The following DISP1 variants were observed in gnomAD, a reference collection of about 807,000 sequenced individuals.
DISP1 encodes protein dispatched homolog 1.
A neutral mutation model predicts 37.3 loss-of-function variants in DISP1; 30 were observed. That is an observed-to-expected ratio of 0.80 (90% CI 0.60 to 1.09). DISP1 has a LOEUF of 1.09. Ranked by LOEUF, DISP1 falls within the 50% of genes least tolerant of loss-of-function variation. The probability of loss-of-function intolerance (pLI) is 0.00; values close to 1 mark genes in which losing one functional copy is unlikely to be tolerated. For synonymous variants in DISP1, 634 were observed against 690.2 expected, an observed-to-expected ratio of 0.92 and a Z score of 1.28; for missense variants, 1,598 against 1,879.5, an observed-to-expected ratio of 0.85 and a Z score of 2.77.
intron 1 of DISP1, among the ~76,000 whole-genome samples, chr1:222,875,392 A>G (rs554576483): frequency 1.8e-4 from 28 of 152,232 alleles, no homozygotes; most frequent in Non-Finnish European, 3.1e-4. Context: ...TATGTGTATT[A>G]AAGACATTAA....
rs554362158 is a variant in DISP1 at position 222,894,172 on chromosome 1, C to T, written c.-158-34258C>T. ...AAAAAGCTCCCTAAGTTCTCACTCC[C>T]GGTGCAGACTTCACCTAGAACTGAC... On this transcript the variant is annotated intron_variant, in intron 1 of 8. Transcript: ENST00000675850. 2.8e-4 allele frequency among the ~76,000 whole-genome samples: 43 copies of T among 152,272 alleles called. No individual in the cohort carries two copies. The South Asian group carries it at 7.1e-3, about 25-fold the overall frequency.
intron 4 of DISP1, among the ~76,000 whole-genome samples, chr1:222,988,092 A>G (rs181366150): frequency 3.4e-4 from 52 of 152,290 alleles, no homozygotes; most frequent in Admixed American, 2.4e-3. Flanking sequence ...CAATCAGCTT[A>G]TTGTCACTTA....
At chr1:222,825,828 A>G (rs1179212718) in intron 1 of DISP1, among the ~76,000 whole-genome samples, 1 of 152,028 alleles carries the variant, frequency 6.6e-6, no homozygotes, top group Non-Finnish European at 1.5e-5. Context: ...TCTCTAATAC[A>G]TTGTTAACCC....
intron 1 of DISP1, among the ~76,000 whole-genome samples, chr1:222,826,865 A>G (rs188449844): frequency 2.0e-5 from 3 of 152,360 alleles, no homozygotes; most frequent in Admixed American, 2.0e-4. Context: ...TCAGAGTTTT[A>G]GCTCTTAACT....
chr1:222,994,875 A>G lies in DISP1; in HGVS notation c.890-10A>G. 1.3e-6 allele frequency: 2 copies of G among 1,579,234 alleles called. No homozygotes were observed. The highest frequency in any genetic ancestry group is 1.8e-4 in the Middle Eastern group (1 of 5,588). On this transcript the variant is annotated splice_polypyrimidine_tract_variant and intron_variant, in intron 7 of 8. Coordinates refer to ENST00000675850, the MANE Select transcript of DISP1 (RefSeq NM_001377229.1). The stretch of plus-strand genomic sequence containing the variant: ...ACCTTTTTCTTTCCTTTTTTTTTTC[A>G]TATCACCAGGTGACCGATATTCCAG...
intron 4 of DISP1, among the ~76,000 whole-genome samples, chr1:222,988,519 A>G (rs1314195168): frequency 6.6e-6 from 1 of 152,148 alleles, no homozygotes; most frequent in African/African-American, 2.4e-5. Flanking sequence ...AGCAACTGGT[A>G]TTCTGAATAA....
At chr1:222,944,476 T>C (rs529029132) in intron 3 of DISP1, among the ~76,000 whole-genome samples, 2 of 152,292 alleles carry the variant, frequency 1.3e-5, no homozygotes, top group African/African-American at 4.8e-5. Context: ...AAGAGCATTC[T>C]CTTTAAAATT....
At chr1:222,816,332 G>A (rs1661250371) in intron 1 of DISP1, among the ~76,000 whole-genome samples, 2 of 152,222 alleles carry the variant, frequency 1.3e-5, no homozygotes, top group South Asian at 2.1e-4. Flanking sequence ...TTCACTCAGT[G>A]TAATTACAAA....
At chr1:222,822,379 C>G (rs1458603598) in intron 1 of DISP1, among the ~76,000 whole-genome samples, 2 of 152,090 alleles carry the variant, frequency 1.3e-5, no homozygotes, top group African/African-American at 2.4e-5. Flanking sequence ...TGACAAGAAC[C>G]TCTTTATATC....
At chr1:222,943,626 T>C in intron 3 of DISP1, 2 of 462,366 alleles carry the variant, frequency 4.3e-6, no homozygotes, top group Non-Finnish European at 7.8e-6. Flanking sequence ...AGTTTTATTG[T>C]TAGCAATTTC....
At chr1:222,999,529 T>C (rs1679297280) in intron 8 of DISP1, among the ~76,000 whole-genome samples, 1 of 152,186 alleles carries the variant, frequency 6.6e-6, no homozygotes, top group Middle Eastern at 3.2e-3. Context: ...CTTTGGTACT[T>C]TCTCTGTAGG....
intron 4 of DISP1, among the ~76,000 whole-genome samples, chr1:222,987,006 A>C (rs1678325414): frequency 6.6e-6 from 1 of 151,920 alleles, no homozygotes; most frequent in Admixed American, 6.6e-5. Flanking sequence ...TCTACTCTAC[A>C]TGTGGTTCAC....
intron 1 of DISP1, among the ~76,000 whole-genome samples, chr1:222,903,676 C>G (rs1327956617): frequency 2.6e-5 from 4 of 152,072 alleles, no homozygotes; most frequent in African/African-American, 9.7e-5. Context: ...TTTGTGATCA[C>G]TGTTTAAGAA....
chr1:222,977,710 G>A (rs1377517561), intron 3 of DISP1, among the ~76,000 whole-genome samples: 2 of 150,484 alleles, frequency 1.3e-5, no homozygotes, highest in African/African-American at 4.9e-5. Flanking sequence ...AACAGGCCCC[G>A]GTGTGTGATA....
intron 3 of DISP1, among the ~76,000 whole-genome samples, chr1:222,946,099 C>T (rs758946464): frequency 2.6e-5 from 4 of 151,460 alleles, no homozygotes; most frequent in African/African-American, 4.8e-5. Context: ...CTTGGCCGGG[C>T]GTGGTGGCTC....
At chr1:222,885,123 T>G (rs1276750759) in intron 1 of DISP1, among the ~76,000 whole-genome samples, 4 of 152,156 alleles carry the variant, frequency 2.6e-5, no homozygotes, top group Non-Finnish European at 5.9e-5. Context: ...CCACCGCACC[T>G]GGCCTGTCTA....
At chr1:222,860,961 TGTA>T (rs2125326225) in intron 1 of DISP1, among the ~76,000 whole-genome samples, 1 of 152,258 alleles carries the variant, frequency 6.6e-6, no homozygotes, top group African/African-American at 2.4e-5. Flanking sequence ...TTATATGCCT[TGTA>T]GAACTATTTT....
rs193038629 is a variant in DISP1, at chr1:222,950,525, G to A, written c.509+7193G>A. Among the ~76,000 whole-genome samples the A allele has an allele frequency of 1.4e-3, 210 of 152,056 alleles. 1 individual carries two copies. Among genetic ancestry groups the A allele is most frequent in the African/African-American group, 4.5e-3 (186 of 41,486 alleles). ...TGAGGCAGGAGAATGGCCTGAACCC[G>A]GGAGGCAGAGCTTGCAGTGATCTGA... On this transcript the variant is annotated intron_variant, in intron 3 of 8. Coordinates refer to ENST00000675850, the MANE Select transcript of DISP1 (RefSeq NM_001377229.1).
intron 1 of DISP1, among the ~76,000 whole-genome samples, chr1:222,902,864 T>C (rs987439837): frequency 6.6e-6 from 1 of 151,364 alleles, no homozygotes; most frequent in Non-Finnish European, 1.5e-5. Flanking sequence ...GACTGTAAAC[T>C]AGTTCAACCA....
Sources: allele counts gnomAD v4.1 joint callset (sites outside exome capture counted in the v4.1 genomes callset), GRCh38; gene constraint gnomAD v4.1.1; transcripts MANE v1.5; gene names NCBI Gene and HGNC (gene_info 2026-07-23, HGNC 2026-07-21).